Variants in CCDC192 observed in about 807,000 individuals in gnomAD.
CCDC192 encodes coiled-coil domain containing 192.
rs191776958 is a variant in CCDC192 at position 127,728,494 on chromosome 5, G to A, written c.114+20734G>A. On this transcript the variant is annotated intron_variant, in intron 2 of 6. Transcript: ENST00000514853. The stretch of plus-strand genomic sequence containing the variant: ...TAAAATCCTTTTCAGACAAGCAAAT[G>A]CTGAGGGAATTTGTCACCACAAATC... Among the ~76,000 whole-genome samples, 5 of 152,330 alleles carry A rather than the reference G, an allele frequency of 3.3e-5. No individual in the cohort carries two copies. In the South Asian group the frequency reaches 8.3e-4, roughly 25 times the overall value.
At chr5:127,927,075 G>A (rs1753882574) in intron 6 of CCDC192, among the ~76,000 whole-genome samples, 2 of 152,124 alleles carry the variant, frequency 1.3e-5, no homozygotes, top group Admixed American at 1.3e-4. Flanking sequence ...GTTTAGTAAG[G>A]TCCTTTTGAA....
chr5:127,726,673 G>T (rs907825147), intron 2 of CCDC192, among the ~76,000 whole-genome samples: 20 of 152,236 alleles, frequency 1.3e-4, no homozygotes, highest in African/African-American at 4.8e-4. Context: ...GCCTCTTGAG[G>T]CTGGACCTCG....
At chr5:127,831,024 G>A (rs1749771620) in intron 5 of CCDC192, among the ~76,000 whole-genome samples, 1 of 152,108 alleles carries the variant, frequency 6.6e-6, no homozygotes, top group South Asian at 2.1e-4. Context: ...GGGCTGGCGA[G>A]TTATTTATGG....
intron 3 of CCDC192, among the ~76,000 whole-genome samples, chr5:127,761,714 C>T (rs1754942998): frequency 6.6e-6 from 1 of 152,120 alleles, no homozygotes; most frequent in Non-Finnish European, 1.5e-5. Flanking sequence ...AGTTTACTTT[C>T]TCTTGAGAGT....
intron 5 of CCDC192, among the ~76,000 whole-genome samples, chr5:127,843,029 G>T (rs1750360173): frequency 1.4e-4 from 13 of 91,756 alleles, no homozygotes; most frequent in East Asian, 3.4e-4. Context: ...TTTTAGTCAA[G>T]TTTTTTTTTT....
At chr5:127,813,205 C>T (rs1312073652) in intron 5 of CCDC192, among the ~76,000 whole-genome samples, 1 of 152,132 alleles carries the variant, frequency 6.6e-6, no homozygotes, top group Non-Finnish European at 1.5e-5. Flanking sequence ...CAGGATGGGA[C>T]TTAAACTGTC....
intron 3 of CCDC192, among the ~76,000 whole-genome samples, chr5:127,779,556 A>C (rs1197373336): frequency 1.3e-5 from 2 of 152,054 alleles, no homozygotes; most frequent in African/African-American, 4.8e-5. Context: ...CAGCCTCCCA[A>C]AGTGCTGGGA....
chr5:127,849,110 A>G (rs1750688047), intron 5 of CCDC192, among the ~76,000 whole-genome samples: 1 of 152,124 alleles, frequency 6.6e-6, no homozygotes, highest in Non-Finnish European at 1.5e-5. Flanking sequence ...GGTGCCTATA[A>G]TCTCAGCTAC....
At chr5:127,884,360 AAAAAAAAAAG>A (rs1752478736) in intron 6 of CCDC192, among the ~76,000 whole-genome samples, 2 of 147,446 alleles carry the variant, frequency 1.4e-5, no homozygotes, top group Non-Finnish European at 3.0e-5. Flanking sequence ...AAAAAAAAAA[AAAAAAAAAAG>A]AAGAGGGAAG....
chr5:127,853,226 G>A (rs1041295647), intron 5 of CCDC192, among the ~76,000 whole-genome samples: 3 of 152,162 alleles, frequency 2.0e-5, no homozygotes, highest in African/African-American at 7.2e-5. Flanking sequence ...CCTCATTCCA[G>A]GGACTATCTA....
intron 3 of CCDC192, among the ~76,000 whole-genome samples, chr5:127,782,981 G>A (rs1756322180): frequency 1.3e-5 from 2 of 148,610 alleles, no homozygotes; most frequent in Admixed American, 1.3e-4. Context: ...CGCCTTTGCT[G>A]TATCTTAGAG....
chr5:127,757,213 A>G (rs1754650300), intron 3 of CCDC192, among the ~76,000 whole-genome samples: 1 of 152,230 alleles, frequency 6.6e-6, no homozygotes, highest in Non-Finnish European at 1.5e-5. Flanking sequence ...GATAAACTGC[A>G]CAATAGCATT....
At chr5:127,758,017 G>A (rs1754709006) in intron 3 of CCDC192, among the ~76,000 whole-genome samples, 1 of 151,864 alleles carries the variant, frequency 6.6e-6, no homozygotes, top group Non-Finnish European at 1.5e-5. Context: ...TGGAAGACAC[G>A]ACAAGAACCA....
chr5:127,832,785 A>G (rs987827777), intron 5 of CCDC192, among the ~76,000 whole-genome samples: 2 of 152,194 alleles, frequency 1.3e-5, no homozygotes, highest in African/African-American at 4.8e-5. Flanking sequence ...GTTCACATCT[A>G]GCTAAAAACC....
intron 6 of CCDC192, among the ~76,000 whole-genome samples, chr5:127,920,847 G>A (rs1206931999): frequency 1.3e-5 from 2 of 151,940 alleles, no homozygotes; most frequent in Admixed American, 1.3e-4. Context: ...GATCACTTGA[G>A]CCCAGGAGTT....
At chr5:127,772,394 G>A (rs981117517) in intron 3 of CCDC192, among the ~76,000 whole-genome samples, 1 of 151,564 alleles carries the variant, frequency 6.6e-6, no homozygotes, top group African/African-American at 2.4e-5. Flanking sequence ...GTGTTGGGGG[G>A]GTGCGGACGT....
At chr5:127,849,457 C>T (rs1580747541) in intron 5 of CCDC192, among the ~76,000 whole-genome samples, 1 of 152,060 alleles carries the variant, frequency 6.6e-6, no homozygotes. Context: ...AAGAGAATGT[C>T]TGCAAGATAG....
intron 5 of CCDC192, among the ~76,000 whole-genome samples, chr5:127,832,751 A>C (rs1023631201): frequency 6.6e-6 from 1 of 152,178 alleles, no homozygotes; most frequent in African/African-American, 2.4e-5. Context: ...CAAAACCCAA[A>C]CTATATATTT....
intron 5 of CCDC192, among the ~76,000 whole-genome samples, chr5:127,818,790 GC>G (rs1749147184): frequency 6.6e-6 from 1 of 152,154 alleles, no homozygotes; most frequent in Non-Finnish European, 1.5e-5. Flanking sequence ...AGTTGAAAGA[GC>G]CTGGATGTTA....
Sources: allele counts gnomAD v4.1 joint callset (sites outside exome capture counted in the v4.1 genomes callset), GRCh38; gene constraint gnomAD v4.1.1; transcripts MANE v1.5; gene names NCBI Gene and HGNC (gene_info 2026-07-23, HGNC 2026-07-21).